ANP32B: variants seen among roughly 807,000 people sequenced by gnomAD.
ANP32B encodes the protein acidic leucine-rich nuclear phosphoprotein 32 family member B.
Under a neutral mutation model 32.2 loss-of-function variants are expected in ANP32B, and 6 were observed. That is an observed-to-expected ratio of 0.19 (90% CI 0.10 to 0.37). ANP32B has a LOEUF of 0.37. Ranked by LOEUF, ANP32B falls within the 10% of genes least tolerant of loss-of-function variation. The pLI is 1.00. For synonymous variants in ANP32B, 98 were observed against 105.8 expected (o/e 0.93, Z 0.45); for missense variants, 204 against 289.2 (o/e 0.71, Z 2.14).
rs1352178022 is a variant in ANP32B, at chr9:98,005,158, G to T, written c.517+5G>T. ...ATGAAGAGGAGGAGGACGAAGGTGA[G>T]TAGGCTCAGCATCTGGTGAACCTGA... On this transcript the variant is annotated splice_donor_5th_base_variant and intron_variant, in intron 4 of 6. Transcript: ENST00000339399. 1.9e-6 allele frequency: 3 copies of T among 1,612,030 alleles called. No individual in the cohort carries two copies. The Admixed American group carries it at 5.0e-5, about 27-fold the overall frequency.
At chr9:98,011,238 A>T (rs753277252) in intron 4 of ANP32B, 33 bp from the exon 5 acceptor site, 1 of 1,549,202 alleles carries the variant, frequency 6.5e-7, no homozygotes, top group Non-Finnish European at 8.7e-7. Flanking sequence ...AGCGTCGAGG[A>T]TATTTAATGA....
chr9:97,988,176 G>C, intron 1 of ANP32B, among the ~76,000 whole-genome samples: 1 of 151,774 alleles, frequency 6.6e-6, no homozygotes, highest in African/African-American at 2.4e-5. Context: ...CTTTGTGTGT[G>C]TCCTTATTTT....
chr9:98,008,941 A>G (rs2131591241), intron 4 of ANP32B, among the ~76,000 whole-genome samples: 1 of 152,296 alleles, frequency 6.6e-6, no homozygotes. Flanking sequence ...CCTGGTGCCA[A>G]AAAGGTTGAG....
chr9:98,006,964 G>A (rs1227490111), intron 4 of ANP32B, among the ~76,000 whole-genome samples: 1 of 151,860 alleles, frequency 6.6e-6, no homozygotes, highest in African/African-American at 2.4e-5. Context: ...CTTTAGCCTG[G>A]GCGATAGAGC....
intron 1 of ANP32B, among the ~76,000 whole-genome samples, chr9:97,991,673 A>G (rs931050595): frequency 6.6e-6 from 1 of 152,230 alleles, no homozygotes; most frequent in Non-Finnish European, 1.5e-5. Flanking sequence ...GACATTTTAA[A>G]TAAAGAACTC....
intron 1 of ANP32B, among the ~76,000 whole-genome samples, chr9:97,992,343 C>G (rs1265508033): frequency 6.6e-6 from 1 of 152,174 alleles, no homozygotes; most frequent in East Asian, 1.9e-4. Context: ...CCCGCCTTGA[C>G]CTCCCAGGAG....
At chr9:97,985,409 G>T (rs1827708932) in intron 1 of ANP32B, among the ~76,000 whole-genome samples, 1 of 152,026 alleles carries the variant, frequency 6.6e-6, no homozygotes, top group South Asian at 2.1e-4. Context: ...CGAGATGGAG[G>T]GTCGCGGGCG....
At chr9:97,990,059 A>T (rs956635909) in intron 1 of ANP32B, among the ~76,000 whole-genome samples, 1 of 152,192 alleles carries the variant, frequency 6.6e-6, no homozygotes, top group Non-Finnish European at 1.5e-5. Context: ...ACTCATACCT[A>T]TGTAGACAGA....
At chr9:97,995,784 A>G (rs1195976154) in intron 2 of ANP32B, among the ~76,000 whole-genome samples, 1 of 152,068 alleles carries the variant, frequency 6.6e-6, no homozygotes, top group African/African-American at 2.4e-5. Flanking sequence ...TCAGCTGGGC[A>G]CGGTGGCACG....
chr9:98,013,856 A>G (rs77575974), intron 6 of ANP32B, among the ~76,000 whole-genome samples: 3 of 143,710 alleles, frequency 2.1e-5, no homozygotes, highest in Non-Finnish European at 4.6e-5. Flanking sequence ...ACTCTGTCTC[A>G]AAAAAAAAAA....
Position 97,998,553 on chromosome 9 carries a change from C to A in ANP32B, c.205-3C>A. The A allele has an allele frequency of 6.2e-7, 1 of 1,600,874 alleles. No individual in the cohort carries two copies. Among genetic ancestry groups the A allele is most frequent in the African/African-American group, 1.3e-5 (1 of 74,316 alleles). ...TTTGTGTTGTGTCCATTTTCTCTTG[C>A]AGCTTGAACTCAGTGAAAATAGAAT... On this transcript the variant is annotated splice_polypyrimidine_tract_variant and splice_region_variant and intron_variant, in intron 2 of 6. Transcript: ENST00000339399.
chr9:97,986,364 G>A lies in ANP32B; in HGVS notation c.54+2755G>A, dbSNP rs182928662. Among the ~76,000 whole-genome samples the A allele has an allele frequency of 2.1e-3, 313 of 152,346 alleles. 4 individuals are homozygous for A. The highest frequency in any genetic ancestry group is 3.2e-4 in the Non-Finnish European group (22 of 68,036). ...TGTGGTGCTTTTTGCACTTGGGAGA[G>A]TTGATGAGGCCTTGAGAGAGTGTTG... On this transcript the variant is annotated intron_variant, in intron 1 of 6. Coordinates refer to ENST00000339399, the MANE Select transcript of ANP32B (RefSeq NM_006401.3).
At chr9:97,997,023 CTGCCTTGTTTTGGTAGAT>C (rs1324932654) in intron 2 of ANP32B, among the ~76,000 whole-genome samples, 1 of 152,152 alleles carries the variant, frequency 6.6e-6, no homozygotes. Context: ...TTTTGGTAGA[CTGCCTTGTTTTGGTAGAT>C]TGCCTTGTTA....
chr9:98,008,307 G>A (rs1025647073), intron 4 of ANP32B, among the ~76,000 whole-genome samples: 3 of 152,184 alleles, frequency 2.0e-5, no homozygotes, highest in Non-Finnish European at 2.9e-5. Flanking sequence ...GTGAGCCAGG[G>A]CCTTCTTTCT....
chr9:97,995,990 T>C (rs963844398), intron 2 of ANP32B, among the ~76,000 whole-genome samples: 6 of 152,084 alleles, frequency 3.9e-5, no homozygotes, highest in Admixed American at 3.3e-4. Context: ...TATTTTTTGT[T>C]TTGCTTTCTT....
At chr9:98,003,016 C>T (rs1478084541) in intron 3 of ANP32B, among the ~76,000 whole-genome samples, 1 of 152,102 alleles carries the variant, frequency 6.6e-6, no homozygotes, top group Admixed American at 6.5e-5. Flanking sequence ...TCTGGGGTGG[C>T]ATTGCAGCAT....
chr9:97,996,959 A>G (rs1020917107), intron 2 of ANP32B, among the ~76,000 whole-genome samples: 13 of 152,198 alleles, frequency 8.5e-5, no homozygotes, highest in Non-Finnish European at 5.9e-5. Context: ...AAATGTCACA[A>G]ATTTTCTAAA....
At chr9:98,006,704 C>G (rs546194942) in intron 4 of ANP32B, among the ~76,000 whole-genome samples, 1 of 152,322 alleles carries the variant, frequency 6.6e-6, no homozygotes, top group African/African-American at 2.4e-5. Flanking sequence ...TTCAAAACCA[C>G]TTCACTGGCT....
Position 97,984,356 on chromosome 9 carries a change from C to T in ANP32B, c.54+747C>T, listed in dbSNP as rs534669355. 2.2e-3 allele frequency among the ~76,000 whole-genome samples: 338 copies of T among 151,518 alleles called. 2 individuals carry two copies. The highest frequency in any genetic ancestry group is 7.8e-3 in the African/African-American group (322 of 41,456). ...AGCCCAAAAATAAAACTTTCTCCCCCGTTCTCTCGCTCCCTCTTCGCCCTC... is the reference window on the plus strand; with the variant it reads ...AGCCCAAAAATAAAACTTTCTCCCCTGTTCTCTCGCTCCCTCTTCGCCCTC... On this transcript the variant is annotated intron_variant, in intron 1 of 6. Coordinates refer to ENST00000339399, the MANE Select transcript of ANP32B (RefSeq NM_006401.3).
Sources: allele counts gnomAD v4.1 joint callset (sites outside exome capture counted in the v4.1 genomes callset), GRCh38; gene constraint gnomAD v4.1.1; transcripts MANE v1.5; gene names NCBI Gene and HGNC (gene_info 2026-07-23, HGNC 2026-07-21).